Variants in IRGM observed in about 807,000 individuals in gnomAD.
IRGM encodes immunity related GTPase M, also known as immunity-related GTPase family M protein.
For missense variants in IRGM, 288 were observed against 219.9 expected, an observed-to-expected ratio of 1.31 and a Z score of -1.96; for synonymous variants, 98 against 80.6, an observed-to-expected ratio of 1.22 and a Z score of -1.16.
rs79927736 is a variant in IRGM, at chr5:150,889,830, A to G, written c.*140+10184A>G. Among the ~76,000 whole-genome samples the G allele has an allele frequency of 1.7e-3, 264 of 152,102 alleles. 1 individual carries two copies. Among genetic ancestry groups the G allele is most frequent in the African/African-American group, 6.1e-3 (252 of 41,514 alleles). The stretch of plus-strand genomic sequence containing the variant: ...TTTGTTTGCTAATGTGGTGACTTAC[A>G]TTGATTGATTTTCAAATGTTAATCT... On this transcript the variant is annotated intron_variant and NMD_transcript_variant, in intron 3 of 3. Coordinates refer to the IRGM transcript ENST00000520549.
At chr5:150,849,322 G>C (rs1007341832), downstream of IRGM, among the ~76,000 whole-genome samples, 5 of 151,334 alleles carry the variant, frequency 3.3e-5, no homozygotes, top group Non-Finnish European at 7.4e-5. Context: ...AATATCTTAT[G>C]GTTTATAAGG....
chr5:150,896,896 C>T, intron 3 of IRGM: 1 of 1,613,548 alleles, frequency 6.2e-7, no homozygotes, highest in Non-Finnish European at 8.5e-7. Context: ...TCCCTTGTGA[C>T]TCCTTTCAGT....
intron 3 of IRGM, chr5:150,898,400 C>T: frequency 6.2e-7 from 1 of 1,613,328 alleles, no homozygotes; most frequent in Non-Finnish European, 8.5e-7. Context: ...TTGGACAACT[C>T]TGAGTTATTC....
rs574935669 is a variant in IRGM at position 150,891,294 on chromosome 5, C to A, written c.*141-9295C>A. 9.9e-5 allele frequency among the ~76,000 whole-genome samples: 15 copies of A among 152,052 alleles called. 1 individual carries two copies. The South Asian group carries it at 3.1e-3, about 32-fold the overall frequency. On this transcript the variant is annotated intron_variant and NMD_transcript_variant, in intron 3 of 3. Coordinates refer to the IRGM transcript ENST00000520549. ...TATCATAGTATATCTTTTTTCCATT[C>A]TTTTACTTTGAATCCATTTATGTCT...
chr5:150,885,839 A>G (rs1352346764), intron 3 of IRGM, among the ~76,000 whole-genome samples: 1 of 152,130 alleles, frequency 6.6e-6, no homozygotes, highest in East Asian at 1.9e-4. Context: ...TTTTTTAGAT[A>G]TAGAACCGTG....
At chr5:150,896,698 T>C in intron 3 of IRGM, 6 of 1,613,584 alleles carry the variant, frequency 3.7e-6, no homozygotes, top group Non-Finnish European at 5.1e-6. Flanking sequence ...AATCTCTGTA[T>C]TGATATATCT....
At chr5:150,862,726 C>T (rs530179360) in intron 1 of IRGM, among the ~76,000 whole-genome samples, 1 of 152,228 alleles carries the variant, frequency 6.6e-6, no homozygotes, top group South Asian at 2.1e-4. Flanking sequence ...AGGTTTTTAA[C>T]TGCAGTATAA....
intron 1 of IRGM, among the ~76,000 whole-genome samples, chr5:150,875,583 A>G (rs1403468560): frequency 6.6e-6 from 1 of 152,176 alleles, no homozygotes; most frequent in African/African-American, 2.4e-5. Flanking sequence ...AATCAAGTGG[A>G]TAGGATGACT....
chr5:150,866,735 A>T (rs532804000), intron 1 of IRGM, among the ~76,000 whole-genome samples: 1 of 152,346 alleles, frequency 6.6e-6, no homozygotes, highest in East Asian at 1.9e-4. Flanking sequence ...GATAATATGA[A>T]TAACCTTTAG....
In IRGM at chr5:150,848,004, T is replaced by C. The variant is rs188185193; in HGVS notation, c.-120T>C. On this transcript the variant is annotated 5_prime_UTR_variant, in exon 2 of 2. The change abolishes an upstream ATG in the 5' untranslated region. Coordinates refer to ENST00000522154, the MANE Select transcript of IRGM (RefSeq NM_001145805.2). ...TATTTTAGTAGAGAAGGTTTCACGA[T>C]GTTGGCCAGGATGGTCTCAATCTCC... 4.5e-4 allele frequency: 337 copies of C among 742,238 alleles called. 2 individuals are homozygous for C. In the African/African-American group the frequency reaches 5.2e-3, roughly 11 times the overall value. The allele number at this position is 742,238 out of a possible 1,614,324, so 46.0% of individuals were successfully genotyped here.
intron 3 of IRGM, among the ~76,000 whole-genome samples, chr5:150,883,679 G>T (rs1754476986): frequency 6.6e-6 from 1 of 151,794 alleles, no homozygotes. Context: ...AACCTACCAA[G>T]ACTGAAACAT....
At chr5:150,851,082 A>T (rs1393979577), downstream of IRGM, among the ~76,000 whole-genome samples, 1 of 152,226 alleles carries the variant, frequency 6.6e-6, no homozygotes, top group East Asian at 1.9e-4. Context: ...GAAAAGAAGG[A>T]TAGATCAAAT....
At chr5:150,890,597 C>T (rs1754594733) in intron 3 of IRGM, among the ~76,000 whole-genome samples, 1 of 151,974 alleles carries the variant, frequency 6.6e-6, no homozygotes, top group Admixed American at 6.6e-5. Context: ...TCCTTTAGCA[C>T]TTTAAATTTC....
chr5:150,849,359 G>A (rs1248664650), downstream of IRGM, among the ~76,000 whole-genome samples: 2 of 151,832 alleles, frequency 1.3e-5, no homozygotes, highest in African/African-American at 2.4e-5. Flanking sequence ...AACTAACGAA[G>A]GAATATAAAC....
chr5:150,862,573 C>T (rs953941059), intron 1 of IRGM, among the ~76,000 whole-genome samples: 2 of 152,166 alleles, frequency 1.3e-5, no homozygotes, highest in African/African-American at 4.8e-5. Flanking sequence ...TAAGAATTGC[C>T]ATCTGATCTG....
intron 3 of IRGM, among the ~76,000 whole-genome samples, chr5:150,884,699 GT>G (rs1278363352): frequency 2.0e-5 from 3 of 152,014 alleles, no homozygotes; most frequent in Admixed American, 1.3e-4. Flanking sequence ...AAATATGATT[GT>G]TGGCCACATG....
At chr5:150,870,441 A>G (rs897988909) in intron 1 of IRGM, among the ~76,000 whole-genome samples, 3 of 151,296 alleles carry the variant, frequency 2.0e-5, no homozygotes, top group African/African-American at 7.3e-5. Flanking sequence ...CTGGAAGCAC[A>G]CCCTCCAGAG....
chr5:150,889,890 C>A (rs1016715078), intron 3 of IRGM, among the ~76,000 whole-genome samples: 1 of 151,918 alleles, frequency 6.6e-6, no homozygotes, highest in Non-Finnish European at 1.5e-5. Context: ...CTACTTGGGT[C>A]TTGATGTATT....
At chr5:150,900,771 T>A (rs1040708652), downstream of IRGM, 26 of 151,918 alleles carry the variant, frequency 1.7e-4, no homozygotes, top group African/African-American at 5.1e-4. Flanking sequence ...TTGTTTTATC[T>A]GAAGAAAAGT....
Sources: allele counts gnomAD v4.1 joint callset (sites outside exome capture counted in the v4.1 genomes callset), GRCh38; gene constraint gnomAD v4.1.1; transcripts MANE v1.5; gene names NCBI Gene and HGNC (gene_info 2026-07-23, HGNC 2026-07-21).